CAMTA1: variants seen among roughly 807,000 people sequenced by gnomAD.
CAMTA1 encodes calmodulin binding transcription activator 1.
CAMTA1 carries 27 observed loss-of-function variants against 170.9 expected under a neutral mutation model. The observed-to-expected ratio is 0.16, with a 90% confidence interval of 0.12 to 0.22. The LOEUF is 0.22. CAMTA1 is among the 10% of genes least tolerant of loss of function. The probability of loss-of-function intolerance (pLI) is 1.00; values close to 1 mark genes in which losing one functional copy is unlikely to be tolerated. For synonymous variants in CAMTA1, 833 were observed against 891.5 expected, an observed-to-expected ratio of 0.93 and a Z score of 1.17; for missense variants, 1,619 against 2,217.2, an observed-to-expected ratio of 0.73 and a Z score of 5.42.
At chr1:6,881,450 C>T (rs998821952) in intron 3 of CAMTA1, among the ~76,000 whole-genome samples, 10 of 152,028 alleles carry the variant, frequency 6.6e-5, no homozygotes, top group African/African-American at 1.9e-4. Flanking sequence ...AAAGCAAAGG[C>T]GCTGAGATAG....
chr1:6,918,177 C>T lies in CAMTA1; in HGVS notation c.234+92967C>T, dbSNP rs1681245820. Among the ~76,000 whole-genome samples the T allele has an allele frequency of 6.6e-6, 1 of 152,216 alleles. No homozygotes were observed. The highest frequency in any genetic ancestry group is 1.5e-5 in the Non-Finnish European group (1 of 68,046). ...TATTCCTAAATGGAGTGCATGTCAG[C>T]AGCCCTGGCACTGAAAAGGGAAGAC... is the stretch of plus-strand genomic sequence containing the variant. On this transcript the variant is annotated intron_variant, in intron 3 of 22. Transcript: ENST00000303635. This position sits in a 1 kb window ranked among gnomAD's most constrained non-coding sequence, Gnocchi z 4.0.
intron 11 of CAMTA1, among the ~76,000 whole-genome samples, chr1:7,725,215 G>T (rs978839258): frequency 1.3e-5 from 2 of 152,190 alleles, no homozygotes; most frequent in African/African-American, 4.8e-5. Flanking sequence ...GAAGGTGAAT[G>T]TATCCTTCCT....
chr1:7,691,239 T>C (rs1245223464), intron 11 of CAMTA1, among the ~76,000 whole-genome samples: 2 of 152,088 alleles, frequency 1.3e-5, no homozygotes, highest in Non-Finnish European at 1.5e-5. Flanking sequence ...GCCGCAGGAA[T>C]GGCACGCGCA....
chr1:7,714,158 T>C (rs12097438), intron 11 of CAMTA1, among the ~76,000 whole-genome samples: 2,343 of 152,350 alleles, frequency 0.015, 54 homozygotes, highest in African/African-American at 0.053. Context: ...TGTTATTTCA[T>C]TGCAGTAAAG....
chr1:6,887,939 C>A lies in CAMTA1; in HGVS notation c.234+62729C>A. On this transcript the variant is annotated intron_variant, in intron 3 of 22. Coordinates refer to ENST00000303635, the MANE Select transcript of CAMTA1 (RefSeq NM_015215.4). This position sits in a 1 kb window ranked among gnomAD's most constrained non-coding sequence, Gnocchi z 4.1. ...GAAGGAGCTCCGCAGCCTGACTGAG[C>A]TCTGGAGAGCAGGGCTCTGTGCACA... 7.6e-7 allele frequency: 1 copy of A among 1,315,474 alleles called. No individual in the cohort carries two copies. The highest frequency in any genetic ancestry group is 9.8e-7 in the Non-Finnish European group (1 of 1,024,660). The allele number at this position is 1,315,474 out of a possible 1,614,324, so 81.5% of individuals were successfully genotyped here. A position where few individuals can be genotyped will look rare whatever the true frequency, so the allele number is the denominator to read the frequency against.
At chr1:7,018,110 T>C (rs879802328) in intron 3 of CAMTA1, among the ~76,000 whole-genome samples, 5,573 of 107,652 alleles carry the variant, frequency 0.052, no homozygotes, top group East Asian at 0.072. Flanking sequence ...ACCACAGGTG[T>C]GCGGCACCAC....
At chr1:6,818,871 G>A (rs926618253) in intron 1 of CAMTA1, among the ~76,000 whole-genome samples, 3 of 151,634 alleles carry the variant, frequency 2.0e-5, no homozygotes, top group African/African-American at 4.8e-5. Flanking sequence ...TAACTCCTAA[G>A]CTCAAATAAT....
chr1:7,742,121 G>A (rs1041813583), intron 16 of CAMTA1, among the ~76,000 whole-genome samples: 3 of 143,076 alleles, frequency 2.1e-5, no homozygotes, highest in Middle Eastern at 8.0e-3. Context: ...TAATGTGTGT[G>A]TGTATATATA....
chr1:7,253,241 G>A (rs1008670120), intron 5 of CAMTA1, among the ~76,000 whole-genome samples: 10 of 152,190 alleles, frequency 6.6e-5, no homozygotes, highest in African/African-American at 1.7e-4. Context: ...CTCAGAGAGC[G>A]AAGAGCTGGA....
rs982325198 is a variant in CAMTA1 at position 6,934,641 on chromosome 1, C to G, written c.234+109431C>G. Among the ~76,000 whole-genome samples, 1 of 152,150 alleles carries G rather than the reference C, an allele frequency of 6.6e-6. No homozygotes were observed. Among genetic ancestry groups the G allele is most frequent in the Non-Finnish European group, 1.5e-5 (1 of 68,014 alleles). On this transcript the variant is annotated intron_variant, in intron 3 of 22. Transcript: ENST00000303635. The surrounding 1 kb of genome is among the most constrained non-coding windows in gnomAD (Gnocchi z 4.5). The stretch of plus-strand genomic sequence containing the variant: ...AGACCTGTGGCCGGCAGGAGCTGCC[C>G]GAGATCCCGGGGCAAATGCCTCCCC...
chr1:6,825,178 C>A lies in CAMTA1; in HGVS notation c.202C>A (p.Pro68Thr). 1 of 1,609,138 alleles carries A rather than the reference C, an allele frequency of 6.2e-7. No individual in the cohort carries two copies. Among genetic ancestry groups the A allele is most frequent in the Non-Finnish European group, 8.5e-7 (1 of 1,177,964 alleles). Reference protein sequence around the residue: ...LECLPKCSSLPKERHRWNTNE... With the variant: ...LECLPKCSSLTKERHRWNTNE... ...ATGTCTGCCGAAATGTTCAAGTTTACCAAAAGAGAGGCACCGCTGGAACAC... is the reference window on the plus strand; with the variant it reads ...ATGTCTGCCGAAATGTTCAAGTTTAACAAAAGAGAGGCACCGCTGGAACAC... Residue 68 changes from proline to threonine, a missense_variant, in exon 3 of 23, where the codon CCA becomes ACA. Coordinates refer to ENST00000303635, the MANE Select transcript of CAMTA1 (RefSeq NM_015215.4).
intron 5 of CAMTA1, among the ~76,000 whole-genome samples, chr1:7,271,775 G>A (rs534246337): frequency 6.6e-6 from 1 of 152,198 alleles, no homozygotes; most frequent in African/African-American, 2.4e-5. Context: ...AATCAGGAAT[G>A]AAAGGGAGAA....
At chr1:7,332,288 A>G (rs1475655364) in intron 5 of CAMTA1, among the ~76,000 whole-genome samples, 1 of 152,180 alleles carries the variant, frequency 6.6e-6, no homozygotes, top group Non-Finnish European at 1.5e-5. Context: ...ATCCTCCAGA[A>G]TGTCATCCAG....
chr1:7,034,551 C>G (rs973294028), intron 3 of CAMTA1, among the ~76,000 whole-genome samples: 1 of 152,206 alleles, frequency 6.6e-6, no homozygotes, highest in Non-Finnish European at 1.5e-5. Flanking sequence ...CTTGAAGCAG[C>G]CTCTGCACAG....
intron 3 of CAMTA1, among the ~76,000 whole-genome samples, chr1:7,036,617 C>T (rs142639383): frequency 6.6e-6 from 1 of 152,250 alleles, no homozygotes; most frequent in Non-Finnish European, 1.5e-5. Context: ...CTTTTGGGTT[C>T]AAGGTTTGTG....
chr1:6,945,625 C>G (rs966078242), intron 3 of CAMTA1, among the ~76,000 whole-genome samples: 1 of 152,072 alleles, frequency 6.6e-6, no homozygotes. Flanking sequence ...GGATTACAGG[C>G]GTGAACCACT....
chr1:6,856,796 T>TGAGG (rs1374768310), intron 3 of CAMTA1, among the ~76,000 whole-genome samples: 1 of 151,960 alleles, frequency 6.6e-6, no homozygotes, highest in East Asian at 1.9e-4. Flanking sequence ...ATGAAAGTGA[T>TGAGG]GAGGAGGAGG....
chr1:7,763,451 G>A (rs1007211739), intron 22 of CAMTA1, among the ~76,000 whole-genome samples: 5 of 152,182 alleles, frequency 3.3e-5, no homozygotes, highest in Admixed American at 6.5e-5. Flanking sequence ...TTTTTCCTGC[G>A]TAGACATTGT....
intron 5 of CAMTA1, among the ~76,000 whole-genome samples, chr1:7,458,304 T>C (rs2093008565): frequency 1.3e-5 from 2 of 152,148 alleles, no homozygotes. Flanking sequence ...AGCTTTATCA[T>C]GCCCCTGTGA....
Sources: allele counts gnomAD v4.1 joint callset (sites outside exome capture counted in the v4.1 genomes callset), GRCh38; gene constraint gnomAD v4.1.1; non-coding constraint Gnocchi (gnomAD v3.1); transcripts MANE v1.5; gene names NCBI Gene and HGNC (gene_info 2026-07-23, HGNC 2026-07-21).